PDE6B: variants seen among roughly 807,000 people sequenced by gnomAD.
PDE6B encodes the protein rod cGMP-specific 3',5'-cyclic phosphodiesterase subunit beta.
Under a neutral mutation model 109.0 loss-of-function variants are expected in PDE6B, and 106 were observed. That is an observed-to-expected ratio of 0.97 (90% CI 0.83 to 1.14). PDE6B has a LOEUF of 1.14. PDE6B is among the 50% of genes most tolerant of loss of function. The pLI is 0.00. For missense variants in PDE6B, 1,193 were observed against 1,155.6 expected, an observed-to-expected ratio of 1.03 and a Z score of -0.47; for synonymous variants, 490 against 471.3, an observed-to-expected ratio of 1.04 and a Z score of -0.51.
At chr4:658,300 G>T (rs1736615459) in intron 10 of PDE6B, among the ~76,000 whole-genome samples, 1 of 138,420 alleles carries the variant, frequency 7.2e-6, no homozygotes, top group Non-Finnish European at 1.5e-5. Flanking sequence ...TCGTCCAGGG[G>T]TCACAGGTGT....
rs770337454 is a variant in PDE6B at position 657,100 on chromosome 4, C to T, written c.1257+77C>T. 1.9e-4 allele frequency: 270 copies of T among 1,454,030 alleles called. 1 individual carries two copies. The highest frequency in any genetic ancestry group is 2.3e-4 in the Non-Finnish European group (242 of 1,035,780). The allele number at this position is 1,454,030 out of a possible 1,614,324, so 90.1% of individuals were successfully genotyped here. On this transcript the variant is annotated intron_variant, in intron 9 of 21. Coordinates refer to ENST00000496514, the MANE Select transcript of PDE6B (RefSeq NM_000283.4). ...GGCCTGTGCGGTGTGGGGGCCTCCCCGCCAAGCATTCGGCTGTGTGCGTGT... is the reference window on the plus strand; with the variant it reads ...GGCCTGTGCGGTGTGGGGGCCTCCCTGCCAAGCATTCGGCTGTGTGCGTGT...
chr4:658,976 G>A lies in PDE6B; in HGVS notation c.1426G>A (p.Glu476Lys), dbSNP rs746783836. ...GCCAACCAGAGCGCGCCTGGGGAAGGAGCCTGCTGACTGCGATGAGGACGA... is the reference window on the plus strand; with the variant it reads ...GCCAACCAGAGCGCGCCTGGGGAAGAAGCCTGCTGACTGCGATGAGGACGA... ...ILPTRARLGK[E>K]PADCDEDELG... Residue 476 changes from glutamate (E) to lysine (K), a missense_variant, in exon 11 of 22, where the codon GAG becomes AAG. Glu to Lys is a moderately conservative substitution (Grantham distance 56, BLOSUM62 1). Coordinates refer to ENST00000496514, the MANE Select transcript of PDE6B (RefSeq NM_000283.4). The A allele has an allele frequency of 1.9e-5, 30 of 1,613,530 alleles. No homozygotes were observed. Among genetic ancestry groups the A allele is most frequent in the Non-Finnish European group, 2.5e-5 (30 of 1,179,844 alleles).
intron 10 of PDE6B, among the ~76,000 whole-genome samples, chr4:658,142 G>A (rs1736585121): frequency 7.2e-6 from 1 of 139,376 alleles, no homozygotes; most frequent in South Asian, 2.4e-4. Context: ...CAGCTGTGCG[G>A]TGGGGACAGG....
In PDE6B at chr4:648,563, A is replaced by G. The variant is rs1163810351; in HGVS notation, c.712-5289A>G. On this transcript the variant is annotated intron_variant, in intron 3 of 21. Coordinates refer to ENST00000496514, the MANE Select transcript of PDE6B (RefSeq NM_000283.4). The surrounding 1 kb of genome is among the most constrained non-coding windows in gnomAD (Gnocchi z 4.5). Reference sequence around the variant, plus strand: ...CGGGCCCTCACCTGGACAATCAGGAACTACCTTCTGTCCCAGGCACCCTCC... The same window carrying G: ...CGGGCCCTCACCTGGACAATCAGGAGCTACCTTCTGTCCCAGGCACCCTCC... Among the ~76,000 whole-genome samples the G allele has an allele frequency of 6.6e-6, 1 of 152,160 alleles. No individual in the cohort carries two copies. The highest frequency in any genetic ancestry group is 1.5e-5 in the Non-Finnish European group (1 of 68,024).
intron 6 of PDE6B, chr4:655,488 G>A (rs545451862): frequency 2.2e-5 from 7 of 315,694 alleles, no homozygotes; most frequent in East Asian, 1.7e-4. Flanking sequence ...AGGCACCAAC[G>A]CTGAGTCCTA....
Position 670,006 on chromosome 4 carries a change from A to T in PDE6B, c.2504-40A>T, listed in dbSNP as rs780823949. The T allele has an allele frequency of 2.0e-6, 3 of 1,537,808 alleles. No individual in the cohort carries two copies. The South Asian group carries it at 3.4e-5, about 17-fold the overall frequency. Reference sequence around the variant, plus strand: ...GAGGGAAGGAATAGGGCTGGTGTGCACAGGTGGTTCCACTCACCATCTTCT... The same window carrying T: ...GAGGGAAGGAATAGGGCTGGTGTGCTCAGGTGGTTCCACTCACCATCTTCT... On this transcript the variant is annotated intron_variant, in intron 21 of 21. Transcript: ENST00000496514.
chr4:650,373 CCAGGACAGG>C, intron 3 of PDE6B, among the ~76,000 whole-genome samples: 1 of 152,240 alleles, frequency 6.6e-6, no homozygotes, highest in Non-Finnish European at 1.5e-5. Flanking sequence ...TCCCCACTGC[CCAGGACAGG>C]CAGACCCCAG....
intron 1 of PDE6B, among the ~76,000 whole-genome samples, chr4:631,815 A>G (rs1475446630): frequency 1.3e-5 from 2 of 149,180 alleles, no homozygotes; most frequent in African/African-American, 5.0e-5. Context: ...AAGGGTCATG[A>G]GGGTCACGTT....
Position 661,977 on chromosome 4 carries a change from T to G in PDE6B, c.1615-157T>G, listed in dbSNP as rs1244296621. 1.4e-5 allele frequency: 9 copies of G among 662,896 alleles called. No individual in the cohort carries two copies. In the Admixed American group the frequency reaches 1.9e-4, roughly 14 times the overall value. 41.1% of individuals were successfully genotyped at this position (662,896 alleles called of 1,614,324 possible). A position where few individuals can be genotyped will look rare whatever the true frequency, so the allele number is the denominator to read the frequency against. Reference sequence around the variant, plus strand: ...ACCCAGGAAGGCCAGCAGAGGCCAGTGGGAAACGCAGGGATGGGGAAGATC... The same window carrying G: ...ACCCAGGAAGGCCAGCAGAGGCCAGGGGGAAACGCAGGGATGGGGAAGATC... On this transcript the variant is annotated intron_variant, in intron 12 of 21. Coordinates refer to ENST00000496514, the MANE Select transcript of PDE6B (RefSeq NM_000283.4).
chr4:658,871 C>T, intron 10 of PDE6B, 81 bp from the exon 11 acceptor site: 1 of 1,013,814 alleles, frequency 9.9e-7, no homozygotes, highest in South Asian at 1.3e-5. Flanking sequence ...CTTCCTCTAG[C>T]TCACACGGGG....
chr4:628,269 G>T (rs1734215810), intron 1 of PDE6B, among the ~76,000 whole-genome samples: 1 of 152,176 alleles, frequency 6.6e-6, no homozygotes, highest in Non-Finnish European at 1.5e-5. Flanking sequence ...GTTTACAGAA[G>T]GGGGGACTGA....
chr4:637,720 T>TCTGCCAGCCCTCGCTCGTCCC (rs1734759404), intron 3 of PDE6B, among the ~76,000 whole-genome samples: 1 of 152,238 alleles, frequency 6.6e-6, no homozygotes, highest in African/African-American at 2.4e-5. Flanking sequence ...GCAGCCGTGC[T>TCTGCCAGCCCTCGCTCGTCCC]CTGCCAGCCC....
intron 17 of PDE6B, among the ~76,000 whole-genome samples, 197 bp downstream of exon 17, chr4:664,418 G>A (rs1737541729): frequency 6.6e-6 from 1 of 152,160 alleles, no homozygotes; most frequent in East Asian, 1.9e-4. Context: ...CAGAGCTGGG[G>A]AGCACACAGG....
chr4:663,952 G>A lies in PDE6B; in HGVS notation c.2021+82G>A, dbSNP rs2109263746. The A allele has an allele frequency of 3.5e-6, 4 of 1,154,842 alleles. No homozygotes were observed. The highest frequency in any genetic ancestry group is 2.6e-5 in the East Asian group (1 of 37,944). 71.5% of individuals were successfully genotyped at this position (1,154,842 alleles called of 1,614,324 possible). Reference sequence around the variant, plus strand: ...CGGCAGACACGGGGGCGCAGCGGCGGCACAGCCCGGGGGACGCAGCCCCGG... The same window carrying A: ...CGGCAGACACGGGGGCGCAGCGGCGACACAGCCCGGGGGACGCAGCCCCGG... On this transcript the variant is annotated intron_variant, in intron 16 of 21. Transcript: ENST00000496514. The surrounding 1 kb of genome is among the most constrained non-coding windows in gnomAD (Gnocchi z 4.0).
rs1418838569 is a variant in PDE6B, at chr4:633,921, C to T, written c.469-756C>T. On this transcript the variant is annotated intron_variant, in intron 1 of 21. Coordinates refer to ENST00000496514, the MANE Select transcript of PDE6B (RefSeq NM_000283.4). This position sits in a 1 kb window ranked among gnomAD's most constrained non-coding sequence, Gnocchi z 4.5. ...CTGAGCTGAGGCAGAGCTCAGCTGA[C>T]CTGTTCCTTGAGGGGCCGGAACCTA... is the stretch of plus-strand genomic sequence containing the variant. Among the ~76,000 whole-genome samples, 2 of 152,104 alleles carry T rather than the reference C, an allele frequency of 1.3e-5. No homozygotes were observed. The highest frequency in any genetic ancestry group is 4.8e-5 in the African/African-American group (2 of 41,414).
chr4:652,369 C>A, intron 3 of PDE6B: 1 of 318,454 alleles, frequency 3.1e-6, no homozygotes, highest in Non-Finnish European at 4.5e-6. Context: ...TCCGAAAACC[C>A]TGAATTCATG....
rs759667480 is a variant in PDE6B, at chr4:625,805, T to A, written c.179T>A (p.Leu60Gln). Residue 60 changes from leucine (L) to glutamine (Q), a missense_variant, in exon 1 of 22, where the codon CTG (leucine) becomes CAG (glutamine). Coordinates refer to ENST00000496514, the MANE Select transcript of PDE6B (RefSeq NM_000283.4). The surrounding 1 kb of genome is among the most constrained non-coding windows in gnomAD (Gnocchi z 5.0). ...CAGGTGGAGGAGAGCACGGCGCTGC[T>A]GGAGCTGGTGCAGGATATGCAGGAG... ...LCQVEESTAL[L>Q]ELVQDMQESI... The A allele has an allele frequency of 2.0e-5, 33 of 1,613,160 alleles. No homozygotes were observed. Among genetic ancestry groups the A allele is most frequent in the Admixed American group, 5.0e-5 (3 of 60,002 alleles).
chr4:662,735 A>T lies in PDE6B; in HGVS notation c.1832+117A>T, dbSNP rs1257845295. ...AGTGGAGTCCACGGCCAGGCCCCGT[A>T]CTCCAGCACTGTGGGAGGCCAAGGC... On this transcript the variant is annotated intron_variant, in intron 14 of 21. Coordinates refer to ENST00000496514, the MANE Select transcript of PDE6B (RefSeq NM_000283.4). This position sits in a 1 kb window ranked among gnomAD's most constrained non-coding sequence, Gnocchi z 4.3. 2.7e-6 allele frequency: 2 copies of T among 743,896 alleles called. No homozygotes were observed. The highest frequency in any genetic ancestry group is 2.7e-5 in the East Asian group (1 of 37,136). 46.1% of individuals were successfully genotyped at this position (743,896 alleles called of 1,614,324 possible).
In PDE6B at chr4:663,798, G is replaced by T. The variant is rs1182502700; in HGVS notation, c.1949G>T (p.Arg650Leu). Residue 650 changes from arginine to leucine, a missense_variant, in exon 16 of 22, where the codon CGG becomes CTG. Transcript: ENST00000496514. This position sits in a 1 kb window ranked among gnomAD's most constrained non-coding sequence, Gnocchi z 4.0. Reference sequence around the variant, plus strand: ...CTGAACATCTACCAGAACCTGAACCGGCGGCAGCACGAGCACGTGATCCAC... The same window carrying T: ...CTGAACATCTACCAGAACCTGAACCTGCGGCAGCACGAGCACGTGATCCAC... ...ETLNIYQNLN[R>L]RQHEHVIHLM... The T allele has an allele frequency of 1.2e-6, 2 of 1,612,470 alleles. No homozygotes were observed. Among genetic ancestry groups the T allele is most frequent in the South Asian group, 2.2e-5 (2 of 91,070 alleles).
Sources: allele counts gnomAD v4.1 joint callset (sites outside exome capture counted in the v4.1 genomes callset), GRCh38; gene constraint gnomAD v4.1.1; non-coding constraint Gnocchi (gnomAD v3.1); transcripts MANE v1.5; gene names NCBI Gene and HGNC (gene_info 2026-07-23, HGNC 2026-07-21).